ZNRF3: variants seen among roughly 807,000 people sequenced by gnomAD.
ZNRF3 encodes the protein E3 ubiquitin-protein ligase ZNRF3.
Under a neutral mutation model 72.5 loss-of-function variants are expected in ZNRF3, and 23 were observed. The observed-to-expected ratio is 0.32, with a 90% CI of 0.23 to 0.45. The LOEUF is 0.45. ZNRF3 is among the 20% of genes least tolerant of loss of function. The pLI, the probability that ZNRF3 is intolerant of heterozygous loss-of-function variation, is 1.00. For missense variants in ZNRF3, 1,169 were observed against 1,272.1 expected, an observed-to-expected ratio of 0.92 and a Z score of 1.23; for synonymous variants, 610 against 545.3, an observed-to-expected ratio of 1.12 and a Z score of -1.65.
intron 1 of ZNRF3, among the ~76,000 whole-genome samples, chr22:28,928,065 A>G (rs2034635467): frequency 6.6e-6 from 1 of 152,198 alleles, no homozygotes; most frequent in Non-Finnish European, 1.5e-5. Context: ...TTTAGAGACC[A>G]TTTTTGGTAC....
rs563812107 is a variant in ZNRF3, at chr22:28,904,940, CTT to C, written c.300+20888_300+20889del. Among the ~76,000 whole-genome samples, 1,128 of 139,540 alleles carry C rather than the reference CTT, an allele frequency of 8.1e-3. 15 individuals are homozygous for C. Among genetic ancestry groups the C allele is most frequent in the African/African-American group, 0.028 (1,082 of 38,182 alleles). The allele number at this position is 139,540 out of a possible 152,430, so 91.5% of individuals were successfully genotyped here. On this transcript the variant is annotated intron_variant, in intron 1 of 8. Transcript: ENST00000544604. ...AGACCTGGGCATTGTGTGAAAGTGT[CTT>C]TTTTTTTTTTTTTCTGAGACAGGGT...
At chr22:28,939,706 C>T (rs1428815555) in intron 1 of ZNRF3, among the ~76,000 whole-genome samples, 1 of 152,066 alleles carries the variant, frequency 6.6e-6, no homozygotes, top group Non-Finnish European at 1.5e-5. Context: ...ATTCTTGTGT[C>T]CCCTGCAATT....
At position 29,048,301 on chromosome 22, in the gene ZNRF3, G is replaced by A; in HGVS notation, c.913-88G>A. 2.8e-6 allele frequency: 3 copies of A among 1,076,040 alleles called. No individual in the cohort carries two copies. Among genetic ancestry groups the A allele is most frequent in the Non-Finnish European group, 4.2e-6 (3 of 716,904 alleles). 66.7% of individuals were successfully genotyped at this position (1,076,040 alleles called of 1,614,324 possible). Reference sequence around the variant, plus strand: ...GTAGGGAAGGGCACGGGCATGCTGTGCAGAACTCCTTGGTCTATGCTGGAC... The same window carrying A: ...GTAGGGAAGGGCACGGGCATGCTGTACAGAACTCCTTGGTCTATGCTGGAC... On this transcript the variant is annotated intron_variant, in intron 6 of 8. Coordinates refer to ENST00000544604, the MANE Select transcript of ZNRF3 (RefSeq NM_001206998.2). This position sits in a 1 kb window ranked among gnomAD's most constrained non-coding sequence, Gnocchi z 4.9.
intron 2 of ZNRF3, among the ~76,000 whole-genome samples, chr22:29,013,798 G>T (rs1050232266): frequency 6.6e-6 from 1 of 152,188 alleles, no homozygotes; most frequent in African/African-American, 2.4e-5. Flanking sequence ...ACTTGTATAG[G>T]CCATAAAAGC....
rs11401088 is a variant in ZNRF3, at chr22:28,952,495, GT to G, written c.301-34565del. Among the ~76,000 whole-genome samples, 230 of 141,818 alleles carry G rather than the reference GT, an allele frequency of 1.6e-3. 1 individual carries two copies. Among genetic ancestry groups the G allele is most frequent in the African/African-American group, 5.0e-3 (192 of 38,412 alleles). 93.0% of individuals were successfully genotyped at this position (141,818 alleles called of 152,430 possible). The stretch of plus-strand genomic sequence containing the variant: ...GCAGAGAGAAGTTTTTCATTTCCAT[GT>G]TTTTTTTTTTTTTTTAACCATTTTG... On this transcript the variant is annotated intron_variant, in intron 1 of 8. Coordinates refer to ENST00000544604, the MANE Select transcript of ZNRF3 (RefSeq NM_001206998.2).
chr22:28,975,774 G>A (rs1442182794), intron 1 of ZNRF3, among the ~76,000 whole-genome samples: 1 of 152,028 alleles, frequency 6.6e-6, no homozygotes, highest in East Asian at 1.9e-4. Context: ...TTATTTCCTC[G>A]GGGTCTGTTT....
intron 1 of ZNRF3, among the ~76,000 whole-genome samples, chr22:28,963,097 C>T (rs992862586): frequency 6.6e-6 from 1 of 152,194 alleles, no homozygotes; most frequent in Non-Finnish European, 1.5e-5. Flanking sequence ...GAACAGGATG[C>T]AAATGATGGT....
chr22:28,914,241 T>G (rs951401768), intron 1 of ZNRF3, among the ~76,000 whole-genome samples: 11 of 152,146 alleles, frequency 7.2e-5, no homozygotes, highest in African/African-American at 2.2e-4. Context: ...AGCTTGGCTA[T>G]CTGGTTTTGG....
chr22:28,938,825 C>G (rs2034888557), intron 1 of ZNRF3, among the ~76,000 whole-genome samples: 1 of 152,072 alleles, frequency 6.6e-6, no homozygotes, highest in Non-Finnish European at 1.5e-5. Flanking sequence ...TTTCGGATAC[C>G]TTAAAAAATC....
At chr22:29,004,229 G>A (rs1340608485) in intron 2 of ZNRF3, among the ~76,000 whole-genome samples, 1 of 152,206 alleles carries the variant, frequency 6.6e-6, no homozygotes, top group Non-Finnish European at 1.5e-5. Context: ...GATTCAGTCT[G>A]ACCCAAGAGA....
intron 2 of ZNRF3, 22 bp from the exon 3 acceptor site, chr22:29,042,473 G>A (rs369592516): frequency 6.2e-7 from 1 of 1,612,500 alleles, no homozygotes; most frequent in Non-Finnish European, 8.5e-7. Flanking sequence ...GGGCCAACCT[G>A]CTGTTTTTTT....
In ZNRF3 at chr22:29,050,088, T is replaced by C. The variant is rs1400248933; in HGVS notation, c.1907T>C (p.Val636Ala). 1.9e-6 allele frequency: 3 copies of C among 1,608,366 alleles called. No homozygotes were observed. The highest frequency in any genetic ancestry group is 2.5e-6 in the Non-Finnish European group (3 of 1,178,926). ...CCGCCTCCCGAGGAGCTCCCGGCGG[T>C]GCACAGTCATGGTGCTGGGCGGGGC... is the stretch of plus-strand genomic sequence containing the variant. ...GSPPPEELPA[V>A]HSHGAGRGEP... The change falls in exon 8 of 9, where the codon GTG becomes GCG. Residue 636 changes from valine (V) to alanine (A), a missense_variant. Val to Ala is a moderately conservative substitution (Grantham distance 64, BLOSUM62 0). This residue lies in a region of ZNRF3 where 783 missense variants were observed against 731.4 expected (regional missense o/e 1.07). Coordinates refer to ENST00000544604, the MANE Select transcript of ZNRF3 (RefSeq NM_001206998.2).
At chr22:28,904,536 C>T (rs1361305945) in intron 1 of ZNRF3, among the ~76,000 whole-genome samples, 2 of 152,182 alleles carry the variant, frequency 1.3e-5, no homozygotes, top group Non-Finnish European at 2.9e-5. Context: ...AACAGGACCG[C>T]CTTTGATGTT....
intron 1 of ZNRF3, among the ~76,000 whole-genome samples, chr22:28,947,149 A>G (rs2035067375): frequency 1.3e-5 from 2 of 152,198 alleles, no homozygotes; most frequent in Admixed American, 1.3e-4. Context: ...ATAAGCACAT[A>G]TGGGAATGCA....
intron 1 of ZNRF3, among the ~76,000 whole-genome samples, chr22:28,981,514 AAGT>A (rs760542625): frequency 3.9e-5 from 6 of 152,170 alleles, no homozygotes; most frequent in Admixed American, 3.9e-4. Context: ...TCTTAGGAGA[AAGT>A]AGAAATAAAG....
At chr22:29,047,327 C>T (rs2037093557) in intron 6 of ZNRF3, among the ~76,000 whole-genome samples, 1 of 152,198 alleles carries the variant, frequency 6.6e-6, no homozygotes. Context: ...CTAGAATCAT[C>T]CATGATGAAC....
chr22:28,895,148 C>G (rs2033967497), intron 1 of ZNRF3, among the ~76,000 whole-genome samples: 1 of 152,202 alleles, frequency 6.6e-6, no homozygotes, highest in South Asian at 2.1e-4. Context: ...CTTCCCCAAC[C>G]AACCTGAGTG....
At chr22:28,994,185 T>TTTTTTTTTTTTTTTTTTTTTTC (rs2036008499) in intron 2 of ZNRF3, among the ~76,000 whole-genome samples, 1 of 98,810 alleles carries the variant, frequency 1.0e-5, no homozygotes, top group Non-Finnish European at 2.0e-5. Flanking sequence ...TCTTTTTTTT[T>TTTTTTTTTTTTTTTTTTTTTTC]TTTTTTTTTT....
intron 1 of ZNRF3, among the ~76,000 whole-genome samples, chr22:28,969,917 G>C (rs542266932): frequency 1.1e-4 from 17 of 152,210 alleles, no homozygotes; most frequent in African/African-American, 3.9e-4. Context: ...AGGTTTTGTA[G>C]GTAAAGTCGG....
Sources: allele counts gnomAD v4.1 joint callset (sites outside exome capture counted in the v4.1 genomes callset), GRCh38; gene constraint gnomAD v4.1.1; regional missense constraint gnomAD v4.1.1; non-coding constraint Gnocchi (gnomAD v3.1); transcripts MANE v1.5; gene names NCBI Gene and HGNC (gene_info 2026-07-23, HGNC 2026-07-21).